Variants in ANK3 observed in about 807,000 individuals in gnomAD.
ANK3 encodes ankyrin 3.
ANK3 carries 57 observed loss-of-function variants against 370.9 expected under a neutral mutation model. The ratio of observed to expected loss-of-function variants is 0.15; its 90% confidence interval spans 0.12 to 0.19. The LOEUF (loss-of-function observed/expected upper bound fraction) is 0.19, where lower values mean the gene tolerates loss of function less well. Ranked by LOEUF, ANK3 falls within the 10% of genes least tolerant of loss-of-function variation. The pLI is 1.00. For missense variants in ANK3, 4,439 were observed against 5,302.1 expected, an observed-to-expected ratio of 0.84 and a Z score of 5.06; for synonymous variants, 1,929 against 1,946.3, an observed-to-expected ratio of 0.99 and a Z score of 0.23.
At chr10:60,418,490 G>A (rs932848737) in intron 2 of ANK3, among the ~76,000 whole-genome samples, 2 of 151,966 alleles carry the variant, frequency 1.3e-5, no homozygotes, top group African/African-American at 4.8e-5. Flanking sequence ...ATTTCTTGAG[G>A]AAAAGTGGGT....
chr10:60,325,651 A>G (rs2049667664), intron 1 of ANK3, among the ~76,000 whole-genome samples: 1 of 152,146 alleles, frequency 6.6e-6, no homozygotes, highest in Non-Finnish European at 1.5e-5. Flanking sequence ...TCAGAAAATT[A>G]TCCTTTGTGA....
At chr10:60,141,448 A>T (rs1277937098) in intron 23 of ANK3, among the ~76,000 whole-genome samples, 1 of 151,020 alleles carries the variant, frequency 6.6e-6, no homozygotes, top group African/African-American at 2.4e-5. Context: ...TCTCTCCACT[A>T]GTGGCCTTCC....
intron 14 of ANK3, among the ~76,000 whole-genome samples, 162 bp from the exon 15 acceptor site, chr10:60,196,787 C>A (rs1036745906): frequency 6.6e-6 from 1 of 152,138 alleles, no homozygotes; most frequent in African/African-American, 2.4e-5. Flanking sequence ...GTGAAGTCTG[C>A]ATTTAAAGTC....
chr10:60,686,909 T>C (rs1366100308), intron 1 of ANK3, among the ~76,000 whole-genome samples: 1 of 152,216 alleles, frequency 6.6e-6, no homozygotes, highest in Non-Finnish European at 1.5e-5. Context: ...TTTCAGTGAA[T>C]GATTGACCAC....
At chr10:60,094,400 C>T (rs1259820920) in intron 28 of ANK3, among the ~76,000 whole-genome samples, 3 of 151,932 alleles carry the variant, frequency 2.0e-5, no homozygotes, top group Non-Finnish European at 4.4e-5. Context: ...GTTGGCCAAG[C>T]TGGTATTGAA....
intron 1 of ANK3, among the ~76,000 whole-genome samples, chr10:60,301,098 A>C (rs2132800546): frequency 6.7e-6 from 1 of 149,470 alleles, no homozygotes; most frequent in East Asian, 2.0e-4. Context: ...GGAGAAAAAA[A>C]CCAAACAACT....
intron 2 of ANK3, among the ~76,000 whole-genome samples, chr10:60,611,344 A>G (rs555601248): frequency 3.5e-4 from 54 of 152,276 alleles, no homozygotes; most frequent in African/African-American, 1.3e-3. Context: ...GTGAGGATAA[A>G]TAAATGCCAG....
chr10:60,318,002 A>T (rs2047829584), intron 1 of ANK3, among the ~76,000 whole-genome samples: 1 of 147,834 alleles, frequency 6.8e-6, no homozygotes, highest in South Asian at 2.2e-4. Flanking sequence ...TATTCATAAG[A>T]TTATAAAAAA....
At chr10:60,169,478 C>T (rs1426581351) in intron 21 of ANK3, among the ~76,000 whole-genome samples, 1 of 147,252 alleles carries the variant, frequency 6.8e-6, no homozygotes, top group Non-Finnish European at 1.5e-5. Flanking sequence ...ATACCATCAA[C>T]ATGACTTATC....
intron 1 of ANK3, among the ~76,000 whole-genome samples, chr10:60,323,598 G>T (rs1240147115): frequency 2.6e-5 from 4 of 152,094 alleles, no homozygotes; most frequent in Non-Finnish European, 5.9e-5. Context: ...ATATAAATTT[G>T]GTAGTTATCA....
intron 1 of ANK3, chr10:60,300,385 T>C: frequency 7.8e-7 from 1 of 1,289,754 alleles, no homozygotes; most frequent in Non-Finnish European, 1.0e-6. Context: ...ACCTGATAAC[T>C]CAATTAGTTA....
At chr10:60,219,367 T>G (rs1271547646) in intron 8 of ANK3, among the ~76,000 whole-genome samples, 1 of 152,104 alleles carries the variant, frequency 6.6e-6, no homozygotes, top group East Asian at 1.9e-4. Context: ...CTTTATTAGG[T>G]CTTTCATTTT....
Position 60,327,132 on chromosome 10 carries a change from G to A in ANK3, c.115-47493C>T, listed in dbSNP as rs1257401432. 3.3e-5 allele frequency among the ~76,000 whole-genome samples: 5 copies of A among 152,164 alleles called. No homozygotes were observed. In the South Asian group the frequency reaches 8.3e-4, roughly 25 times the overall value. ...ATTCGGTGGGATGAAGGCATAAAAG[G>A]AAGAGCCAGACTGATTGATTCAAGT... On this transcript the variant is annotated intron_variant, in intron 1 of 43. Transcript: ENST00000280772.
intron 2 of ANK3, among the ~76,000 whole-genome samples, chr10:60,598,379 T>C (rs959240002): frequency 1.3e-5 from 2 of 152,232 alleles, no homozygotes; most frequent in Non-Finnish European, 2.9e-5. Context: ...TCCTTCTTTC[T>C]AGGATACAAA....
At chr10:60,380,730 G>A (rs956218547) in intron 1 of ANK3, among the ~76,000 whole-genome samples, 1 of 152,062 alleles carries the variant, frequency 6.6e-6, no homozygotes, top group Non-Finnish European at 1.5e-5. Context: ...ATCACAGAGG[G>A]TCTATGATGA....
chr10:60,544,653 T>C (rs536963839), intron 2 of ANK3, among the ~76,000 whole-genome samples: 2 of 152,208 alleles, frequency 1.3e-5, no homozygotes, highest in East Asian at 3.9e-4. Context: ...TAGATTTTAA[T>C]CTAAAACAAC....
intron 7 of ANK3, among the ~76,000 whole-genome samples, chr10:60,240,164 A>C: frequency 7.2e-6 from 1 of 139,512 alleles, no homozygotes; most frequent in African/African-American, 2.8e-5. Flanking sequence ...ACATATATAC[A>C]CATATATATA....
intron 30 of ANK3, among the ~76,000 whole-genome samples, chr10:60,085,610 C>CTTTTTTTTTTTTT (rs10601268): frequency 9.1e-6 from 1 of 109,922 alleles, no homozygotes; most frequent in Non-Finnish European, 1.8e-5. Flanking sequence ...GTCTCTTACT[C>CTTTTTTTTTTTTT]TTTTTTTTTT....
chr10:60,385,102 T>C (rs1240334527), intron 1 of ANK3, among the ~76,000 whole-genome samples: 3 of 152,094 alleles, frequency 2.0e-5, no homozygotes, highest in Non-Finnish European at 4.4e-5. Flanking sequence ...TTAAGGTCTC[T>C]CCCCGCTTTG....
Sources: gnomAD v4.1 joint callset for allele counts (sites outside exome capture counted in the v4.1 genomes callset) on GRCh38, gnomAD v4.1.1 for gene constraint, MANE v1.5 for transcripts, NCBI Gene and HGNC (gene_info 2026-07-23, HGNC 2026-07-21) for gene names.